Variants in GPM6A observed in about 807,000 individuals in gnomAD.
The protein encoded by GPM6A is neuronal membrane glycoprotein M6-a.
In GPM6A, 7 loss-of-function variants were observed where a neutral mutation model predicts 32.1. That is an observed-to-expected ratio of 0.22 (90% CI 0.12 to 0.41). The LOEUF is 0.41. Among genes scored for constraint, GPM6A ranks in the 10% least tolerant of loss-of-function variants. The pLI is 1.00. For synonymous variants in GPM6A, 130 were observed against 123.4 expected, an observed-to-expected ratio of 1.05 and a Z score of -0.35; for missense variants, 235 against 347.2, an observed-to-expected ratio of 0.68 and a Z score of 2.57.
chr4:175,714,531 G>A (rs964728875), intron 1 of GPM6A, among the ~76,000 whole-genome samples: 1 of 152,040 alleles, frequency 6.6e-6, no homozygotes, highest in Non-Finnish European at 1.5e-5. Context: ...TTATAGGGGA[G>A]AGCCACCATA....
chr4:175,976,017 A>G (rs981499807), intron 1 of GPM6A, among the ~76,000 whole-genome samples: 3 of 152,154 alleles, frequency 2.0e-5, no homozygotes, highest in African/African-American at 7.2e-5. Context: ...GTGTTTGAAA[A>G]TTCAGTGATT....
intron 1 of GPM6A, among the ~76,000 whole-genome samples, chr4:175,943,218 T>G (rs555730851): frequency 4.8e-4 from 73 of 152,350 alleles, no homozygotes; most frequent in South Asian, 3.5e-3. Context: ...TTGTGATTTT[T>G]GTACATTGAT....
chr4:175,962,250 G>T, intron 1 of GPM6A: 2 of 1,357,802 alleles, frequency 1.5e-6, no homozygotes, highest in Non-Finnish European at 2.1e-6. Flanking sequence ...CCTCCTATAT[G>T]TCATTGAAAA....
At chr4:175,712,010 T>G (rs1395296443) in intron 1 of GPM6A, among the ~76,000 whole-genome samples, 1 of 152,084 alleles carries the variant, frequency 6.6e-6, no homozygotes, top group Non-Finnish European at 1.5e-5. Flanking sequence ...GTTTACATTT[T>G]CACAGTTTAA....
intron 1 of GPM6A, among the ~76,000 whole-genome samples, chr4:175,722,823 C>T (rs981465831): frequency 2.0e-5 from 3 of 151,892 alleles, no homozygotes; most frequent in Non-Finnish European, 2.9e-5. Flanking sequence ...GCGGGCGAAT[C>T]GCTTGAGCCC....
At chr4:175,889,510 C>G (rs1355566720) in intron 1 of GPM6A, among the ~76,000 whole-genome samples, 1 of 128,514 alleles carries the variant, frequency 7.8e-6, no homozygotes, top group Admixed American at 7.5e-5. Flanking sequence ...AGAGCAAAAC[C>G]CTGTCTCCAA....
intron 1 of GPM6A, among the ~76,000 whole-genome samples, chr4:175,826,819 T>A (rs1003126092): frequency 6.6e-5 from 10 of 151,790 alleles, no homozygotes; most frequent in African/African-American, 2.4e-4. Context: ...ACTAGCCTTT[T>A]AGGAAAAAAA....
At chr4:175,788,119 T>G (rs1733871905) in intron 1 of GPM6A, 1 of 152,212 alleles carries the variant, frequency 6.6e-6, no homozygotes, top group African/African-American at 2.4e-5. Context: ...TGTCCCTTTG[T>G]GGATATTCAT....
chr4:175,960,667 T>C (rs1405127473), intron 1 of GPM6A: 1 of 152,218 alleles, frequency 6.6e-6, no homozygotes, highest in Non-Finnish European at 1.5e-5. Flanking sequence ...TTAAGACCAA[T>C]ACTGATAGTC....
At position 175,763,445 on chromosome 4, in the gene GPM6A, T is replaced by A. The variant is rs201021037; in HGVS notation, c.37+48746A>T. On this transcript the variant is annotated intron_variant, in intron 1 of 6. Transcript: ENST00000393658. ...GTAATATTATTTTTATGAATCAGAT[T>A]CCTTTGACTAATTTACTAAAATTTT... Among the ~76,000 whole-genome samples the A allele has an allele frequency of 2.0e-5, 3 of 152,218 alleles. No individual in the cohort carries two copies. In the East Asian group the frequency reaches 5.8e-4, roughly 29 times the overall value.
At chr4:175,955,299 G>A (rs774445025) in intron 1 of GPM6A, among the ~76,000 whole-genome samples, 5 of 152,234 alleles carry the variant, frequency 3.3e-5, no homozygotes, top group African/African-American at 7.2e-5. Context: ...TTCAATATGC[G>A]GTGTCCTTTG....
intron 1 of GPM6A, among the ~76,000 whole-genome samples, chr4:175,934,897 C>A (rs1739168867): frequency 6.6e-6 from 1 of 152,122 alleles, no homozygotes; most frequent in African/African-American, 2.4e-5. Context: ...GCTAAGCCAG[C>A]ATGTATATCC....
At chr4:175,936,886 TAAAC>T (rs1739256388) in intron 1 of GPM6A, among the ~76,000 whole-genome samples, 1 of 151,970 alleles carries the variant, frequency 6.6e-6, no homozygotes, top group Admixed American at 6.6e-5. Flanking sequence ...GGAAACAATA[TAAAC>T]AAAGAAGTCA....
chr4:175,946,227 A>G (rs1199195913), intron 1 of GPM6A, among the ~76,000 whole-genome samples: 1 of 152,238 alleles, frequency 6.6e-6, no homozygotes, highest in Non-Finnish European at 1.5e-5. Context: ...CAAATTGAGT[A>G]TCAACTAAGA....
intron 3 of GPM6A, among the ~76,000 whole-genome samples, chr4:175,670,557 C>G (rs1220116888): frequency 6.6e-6 from 1 of 152,032 alleles, no homozygotes; most frequent in African/African-American, 2.4e-5. Flanking sequence ...CAATTTGGTG[C>G]CATTTAATAT....
intron 1 of GPM6A, among the ~76,000 whole-genome samples, chr4:175,827,862 A>C (rs1349091921): frequency 6.6e-6 from 1 of 152,148 alleles, no homozygotes; most frequent in Non-Finnish European, 1.5e-5. Flanking sequence ...CATGGTTGGC[A>C]CTCAGTAAAC....
intron 3 of GPM6A, among the ~76,000 whole-genome samples, chr4:175,653,217 G>A (rs182575189): frequency 6.2e-4 from 95 of 152,178 alleles, no homozygotes; most frequent in African/African-American, 2.0e-3. Context: ...GTTATATTGC[G>A]ATTAACATAG....
At chr4:175,765,678 C>A (rs907580778) in intron 1 of GPM6A, among the ~76,000 whole-genome samples, 3 of 152,172 alleles carry the variant, frequency 2.0e-5, no homozygotes, top group African/African-American at 7.2e-5. Context: ...TGTTTCAAAT[C>A]TTTTAGAGAC....
intron 1 of GPM6A, among the ~76,000 whole-genome samples, chr4:175,818,763 A>G (rs1205171347): frequency 1.3e-5 from 2 of 152,254 alleles, no homozygotes; most frequent in African/African-American, 2.4e-5. Flanking sequence ...TCATGTTCAT[A>G]TGTAACAAAT....
Sources: allele counts gnomAD v4.1 joint callset (sites outside exome capture counted in the v4.1 genomes callset), GRCh38; gene constraint gnomAD v4.1.1; transcripts MANE v1.5; gene names NCBI Gene and HGNC (gene_info 2026-07-23, HGNC 2026-07-21).